Variants in PTGER3 observed in about 807,000 individuals in gnomAD.
The protein encoded by PTGER3 is prostaglandin E2 receptor EP3 subtype.
Under a neutral mutation model 34.7 loss-of-function variants are expected in PTGER3, and 22 were observed. The ratio of observed to expected loss-of-function variants is 0.63; its 90% CI spans 0.45 to 0.91. The LOEUF (loss-of-function observed/expected upper bound fraction) is 0.91. Ranked by LOEUF, PTGER3 falls within the 40% of genes least tolerant of loss-of-function variation. PTGER3 has a pLI of 0.00. For synonymous variants in PTGER3, 241 were observed against 230.1 expected, an observed-to-expected ratio of 1.05 and a Z score of -0.43; for missense variants, 468 against 519.4, an observed-to-expected ratio of 0.90 and a Z score of 0.96.
chr1:70,977,044 A>G (rs1653774367), intron 2 of PTGER3, among the ~76,000 whole-genome samples: 1 of 152,172 alleles, frequency 6.6e-6, no homozygotes, highest in African/African-American at 2.4e-5. Context: ...AGCTTTATTT[A>G]CTAAGCTGTG....
intron 2 of PTGER3, among the ~76,000 whole-genome samples, chr1:70,981,392 TTTCC>T (rs71586957): frequency 0.039 from 1,555 of 40,268 alleles, 68 homozygotes; most frequent in Non-Finnish European, 0.052. Flanking sequence ...TCTTTCTTTC[TTTCC>T]TTCCTTCCTT....
chr1:70,871,968 T>C (rs1646172886), intron 4 of PTGER3, among the ~76,000 whole-genome samples: 1 of 152,180 alleles, frequency 6.6e-6, no homozygotes, highest in Admixed American at 6.5e-5. Flanking sequence ...TCAAGGTCAC[T>C]AGACTGCTTG....
chr1:70,990,386 C>CACACACACATAT (rs1206925417), intron 2 of PTGER3, among the ~76,000 whole-genome samples: 6 of 131,400 alleles, frequency 4.6e-5, no homozygotes, highest in African/African-American at 1.8e-4. Context: ...CACACACACA[C>CACACACACATAT]ATATATATAT....
intron 4 of PTGER3, among the ~76,000 whole-genome samples, chr1:70,882,106 A>G (rs1646403029): frequency 6.6e-6 from 1 of 152,238 alleles, no homozygotes; most frequent in South Asian, 2.1e-4. Flanking sequence ...CCTTCTTGCC[A>G]TCTCAGTGTT....
chr1:70,949,771 A>G (rs1288365095), downstream of PTGER3, among the ~76,000 whole-genome samples: 4 of 152,162 alleles, frequency 2.6e-5, no homozygotes, highest in East Asian at 5.8e-4. Flanking sequence ...ATCCTGTCCA[A>G]TATGATTACC....
chr1:70,911,167 T>C (rs1647052756), intron 4 of PTGER3, among the ~76,000 whole-genome samples: 1 of 151,538 alleles, frequency 6.6e-6, no homozygotes, highest in African/African-American at 2.4e-5. Context: ...TCATTCTAGA[T>C]TGAGAACCAA....
chr1:71,019,262 G>T (rs1205534538), intron 1 of PTGER3, among the ~76,000 whole-genome samples: 1 of 152,156 alleles, frequency 6.6e-6, no homozygotes, highest in African/African-American at 2.4e-5. Context: ...TAACAGAGAG[G>T]CTGTTTACTG....
At chr1:70,872,551 C>T (rs1325067454) in intron 4 of PTGER3, among the ~76,000 whole-genome samples, 1 of 152,150 alleles carries the variant, frequency 6.6e-6, no homozygotes, top group East Asian at 1.9e-4. Context: ...CTTTGGTCTC[C>T]ATTTACAGAT....
intron 2 of PTGER3, among the ~76,000 whole-genome samples, chr1:70,987,075 C>T (rs555229007): frequency 6.6e-6 from 1 of 152,270 alleles, no homozygotes; most frequent in African/African-American, 2.4e-5. Flanking sequence ...AATTTTCACC[C>T]TGGCCATTAG....
chr1:71,040,668 C>T (rs572071208), intron 1 of PTGER3, among the ~76,000 whole-genome samples: 13 of 152,094 alleles, frequency 8.5e-5, no homozygotes, highest in African/African-American at 3.1e-4. Context: ...ATGTGGCAAG[C>T]AATTATGATA....
intron 2 of PTGER3, among the ~76,000 whole-genome samples, chr1:70,983,611 TAGA>T (rs1455768298): frequency 1.3e-5 from 2 of 152,176 alleles, no homozygotes; most frequent in African/African-American, 4.8e-5. Context: ...CTGTCTGATT[TAGA>T]AGCTCTTTAT....
intron 2 of PTGER3, among the ~76,000 whole-genome samples, chr1:70,994,183 C>T (rs1352813607): frequency 6.6e-6 from 1 of 152,142 alleles, no homozygotes; most frequent in African/African-American, 2.4e-5. Context: ...CTGAATTAAT[C>T]AAAAACTGTC....
chr1:70,942,155 T>C (rs1649817162), intron 4 of PTGER3, among the ~76,000 whole-genome samples: 1 of 152,088 alleles, frequency 6.6e-6, no homozygotes, highest in Non-Finnish European at 1.5e-5. Flanking sequence ...AGTGTGCCAC[T>C]TACTGGTTCA....
At chr1:70,933,826 T>A (rs1263523139) in intron 4 of PTGER3, among the ~76,000 whole-genome samples, 1 of 152,146 alleles carries the variant, frequency 6.6e-6, no homozygotes, top group Non-Finnish European at 1.5e-5. Context: ...AAGTTTTTTT[T>A]AACTCAGAAA....
chr1:70,917,128 T>C lies in PTGER3; in HGVS notation c.*23+36635A>G, dbSNP rs187165002. On this transcript the variant is annotated intron_variant, in intron 4 of 4. Coordinates refer to the PTGER3 transcript ENST00000370931. ...CTGTGTAATAGAACACCAAAACTTATTCTTCCTGTCTAATTGTAACTTTGT... is the reference window on the plus strand; with the variant it reads ...CTGTGTAATAGAACACCAAAACTTACTCTTCCTGTCTAATTGTAACTTTGT... Among the ~76,000 whole-genome samples, 135 of 152,054 alleles carry C rather than the reference T, an allele frequency of 8.9e-4. 1 individual carries two copies. In the East Asian group the frequency reaches 0.025, roughly 28 times the overall value.
intron 1 of PTGER3, among the ~76,000 whole-genome samples, chr1:71,039,106 G>T (rs1249573942): frequency 6.6e-6 from 1 of 152,168 alleles, no homozygotes; most frequent in Non-Finnish European, 1.5e-5. Context: ...CTGTTCAGGT[G>T]GGGAGGGGAA....
At chr1:70,870,515 A>G (rs1232121542) in intron 4 of PTGER3, among the ~76,000 whole-genome samples, 1 of 152,328 alleles carries the variant, frequency 6.6e-6, no homozygotes, top group East Asian at 1.9e-4. Context: ...TCCCTGCCAC[A>G]TGGCTAGGCT....
At chr1:71,032,674 G>C (rs1170141107) in intron 1 of PTGER3, among the ~76,000 whole-genome samples, 1 of 152,122 alleles carries the variant, frequency 6.6e-6, no homozygotes, top group Non-Finnish European at 1.5e-5. Flanking sequence ...CTTCTATAAG[G>C]CCACCTCCAC....
intron 2 of PTGER3, among the ~76,000 whole-genome samples, chr1:70,963,049 A>C (rs657262): frequency 0.62 from 93,649 of 152,040 alleles, 29,183 homozygotes; most frequent in East Asian, 0.72. Context: ...AATGAAGGGG[A>C]TGCAGGCCCC....
Sources: allele counts gnomAD v4.1 joint callset (sites outside exome capture counted in the v4.1 genomes callset), GRCh38; gene constraint gnomAD v4.1.1; transcripts MANE v1.5; gene names NCBI Gene and HGNC (gene_info 2026-07-23, HGNC 2026-07-21).